The following FLT4 variants were observed in gnomAD, a reference collection of about 807,000 sequenced individuals.
The protein encoded by FLT4 is fms related receptor tyrosine kinase 4.
A neutral mutation model predicts 163.2 loss-of-function variants in FLT4; 30 were observed. That is an observed-to-expected ratio of 0.18 (90% CI 0.14 to 0.25). The LOEUF is 0.25. FLT4 is among the 10% of genes least tolerant of loss of function. FLT4 has a pLI of 1.00. For synonymous variants in FLT4, 884 were observed against 789.5 expected (o/e 1.12, Z -2.01); for missense variants, 1,510 against 1,863.8 (o/e 0.81, Z 3.50).
chr5:180,620,834 G>A lies in FLT4; in HGVS notation c.2299+42C>T, dbSNP rs561291886. 7 of 1,609,594 alleles carry A rather than the reference G, an allele frequency of 4.3e-6. No homozygotes were observed. Among genetic ancestry groups the A allele is most frequent in the Non-Finnish European group, 5.9e-6 (7 of 1,178,754 alleles). On this transcript the variant is annotated intron_variant, in intron 15 of 29. Coordinates refer to ENST00000261937, the MANE Select transcript of FLT4 (RefSeq NM_182925.5). This position sits in a 1 kb window ranked among gnomAD's most constrained non-coding sequence, Gnocchi z 4.4. Reference sequence around the variant, plus strand: ...AGGTGGCCACAAGAAAGCGTTAACTGGGGACGGGAAGGGAGTTGAGGGGTG... The same window carrying A: ...AGGTGGCCACAAGAAAGCGTTAACTAGGGACGGGAAGGGAGTTGAGGGGTG...
chr5:180,605,740 A>T (rs1156623035), intron 29 of FLT4, among the ~76,000 whole-genome samples: 1 of 152,180 alleles, frequency 6.6e-6, no homozygotes, highest in Non-Finnish European at 1.5e-5. Flanking sequence ...CTAGTCTCTT[A>T]CCCAGAAGAG....
intron 1 of FLT4, among the ~76,000 whole-genome samples, chr5:180,641,233 G>C (rs1262565932): frequency 6.6e-6 from 1 of 152,202 alleles, no homozygotes; most frequent in South Asian, 2.1e-4. Context: ...GCACGTGGAG[G>C]GTCCGAGTCA....
At chr5:180,622,701 A>C (rs1763251321) in intron 12 of FLT4, 30 bp downstream of exon 12, 1 of 1,426,540 alleles carries the variant, frequency 7.0e-7, no homozygotes, top group Non-Finnish European at 9.9e-7. Context: ...CCCTGTACCC[A>C]GGCCTCCCCG....
In FLT4 at chr5:180,603,214, A is replaced by G. The variant is rs769432789; in HGVS notation, c.4070T>C (p.Phe1357Ser). Residue 1357 changes from phenylalanine to serine, a missense_variant, in exon 30 of 30, where the codon TTC becomes TCC. Coordinates refer to ENST00000261937, the MANE Select transcript of FLT4 (RefSeq NM_182925.5). The part of the protein sequence containing the change: ...DHCSPSARVT[F>S]FTDNSY ...TGCTTAGTAGCTGTTGTCTGTGAAGAAAGTCACGCGGGCAGACGGGGAGCA... is the reference window on the plus strand; with the variant it reads ...TGCTTAGTAGCTGTTGTCTGTGAAGGAAGTCACGCGGGCAGACGGGGAGCA... The G allele has an allele frequency of 2.2e-5, 36 of 1,614,044 alleles. 1 individual carries two copies. In the South Asian group the frequency reaches 3.8e-4, roughly 17 times the overall value.
chr5:180,649,459 C>G, intron 1 of FLT4, 29 bp downstream of exon 1: 1 of 1,447,560 alleles, frequency 6.9e-7, no homozygotes. Context: ...GCCCCACGCT[C>G]GGGCGGGTGG....
At position 180,620,261 on chromosome 5, in the gene FLT4, G is replaced by A. The variant is rs1278056526; in HGVS notation, c.2454C>T (p.Asp818=). 9.9e-6 allele frequency: 16 copies of A among 1,612,034 alleles called. No homozygotes were observed. In the Admixed American group the frequency reaches 1.7e-4, roughly 17 times the overall value. ...GCTCCTCCAGAGGCACCTCCCCGGG[G>A]TCCATGATGATGGACAGGTAGCCCG... The part of the protein sequence containing the change: ...IKTGYLSIIM[D]PGEVPLEEQC... The change falls in exon 17 of 30, where the codon GAC becomes GAT. Residue 818 remains aspartate, a synonymous_variant. Transcript: ENST00000261937. This position sits in a 1 kb window ranked among gnomAD's most constrained non-coding sequence, Gnocchi z 4.4.
In FLT4 at chr5:180,636,370, C is replaced by T. The variant is rs573313595; in HGVS notation, c.59-4592G>A. ...TTCTGGCCACGGCACTGGCCCTGGGCGGTTACTGCCCTCCACCCCACATGC... is the reference window on the plus strand; with the variant it reads ...TTCTGGCCACGGCACTGGCCCTGGGTGGTTACTGCCCTCCACCCCACATGC... On this transcript the variant is annotated intron_variant, in intron 1 of 29. Coordinates refer to ENST00000261937, the MANE Select transcript of FLT4 (RefSeq NM_182925.5). The surrounding 1 kb of genome is among the most constrained non-coding windows in gnomAD (Gnocchi z 4.3). Among the ~76,000 whole-genome samples, 11 of 152,156 alleles carry T rather than the reference C, an allele frequency of 7.2e-5. No homozygotes were observed. Among genetic ancestry groups the T allele is most frequent in the Non-Finnish European group, 1.5e-4 (10 of 68,018 alleles).
At chr5:180,611,702 A>G in intron 26 of FLT4, 1 of 603,902 alleles carries the variant, frequency 1.7e-6, no homozygotes, top group South Asian at 2.0e-5. Context: ...CTAACAGACC[A>G]TGCGGGCACG....
At chr5:180,625,824 G>A (rs1351300543) in intron 10 of FLT4, 45 bp downstream of exon 10, 1 of 1,584,320 alleles carries the variant, frequency 6.3e-7, no homozygotes, top group South Asian at 1.1e-5. Context: ...GCTGAGGCTG[G>A]GGGCTGTGGC....
rs1173345416 is a variant in FLT4 at position 180,603,201 on chromosome 5, G to A, written c.4083C>T (p.Asn1361=). ...TCTTGTCCGATGCTGCTTAGTAGCT[G>A]TTGTCTGTGAAGAAAGTCACGCGGG... ...PSARVTFFTD[N]SY The change falls in exon 30 of 30, where the codon AAC becomes AAT. Residue 1361 remains asparagine, a synonymous_variant. Transcript: ENST00000261937. The A allele has an allele frequency of 6.2e-7, 1 of 1,613,928 alleles. No individual in the cohort carries two copies. Among genetic ancestry groups the A allele is most frequent in the Non-Finnish European group, 8.5e-7 (1 of 1,180,018 alleles).
chr5:180,603,513 T>G, intron 29 of FLT4, 123 bp from the exon 30 acceptor site: 2 of 869,338 alleles, frequency 2.3e-6, no homozygotes, highest in Non-Finnish European at 3.8e-6. Context: ...GGAGTTAGAG[T>G]CCAGCCCAGG....
intron 1 of FLT4, among the ~76,000 whole-genome samples, chr5:180,645,135 G>A (rs376987517): frequency 1.3e-5 from 2 of 152,200 alleles, no homozygotes; most frequent in Non-Finnish European, 2.9e-5. Flanking sequence ...GGGTGAGTTG[G>A]GGGGGGCCCT....
intron 8 of FLT4, among the ~76,000 whole-genome samples, chr5:180,628,482 G>A (rs1581671788): frequency 6.6e-6 from 1 of 152,204 alleles, no homozygotes; most frequent in African/African-American, 2.4e-5. Context: ...CCAAATTTCT[G>A]GACAGAAGGG....
At position 180,620,811 on chromosome 5, in the gene FLT4, G is replaced by A. The variant is rs1340191453; in HGVS notation, c.2299+65C>T. 5 of 1,607,870 alleles carry A rather than the reference G, an allele frequency of 3.1e-6. No homozygotes were observed. The highest frequency in any genetic ancestry group is 1.9e-4 in the Middle Eastern group (1 of 5,402). ...TTCTGGTGGCCACGACTTGCCCAAG[G>A]TGGCCACAAGAAAGCGTTAACTGGG... On this transcript the variant is annotated intron_variant, in intron 15 of 29. Coordinates refer to ENST00000261937, the MANE Select transcript of FLT4 (RefSeq NM_182925.5). The surrounding 1 kb of genome is among the most constrained non-coding windows in gnomAD (Gnocchi z 4.4).
chr5:180,608,178 A>G, intron 29 of FLT4: 1 of 700,088 alleles, frequency 1.4e-6, no homozygotes, highest in Non-Finnish European at 2.6e-6. Flanking sequence ...TTTGTAGTAG[A>G]TAGCAGTAGA....
chr5:180,625,790 G>C (rs111384975), intron 10 of FLT4, 79 bp downstream of exon 10: 2 of 1,338,644 alleles, frequency 1.5e-6, no homozygotes, highest in African/African-American at 1.4e-5. Context: ...GCAGTGAGGG[G>C]TGCTGTAAAG....
chr5:180,604,000 G>A (rs1392024314), intron 29 of FLT4, among the ~76,000 whole-genome samples: 3 of 152,194 alleles, frequency 2.0e-5, no homozygotes, highest in African/African-American at 7.2e-5. Flanking sequence ...GTGAGACCCT[G>A]TCTCAAAAAC....
At chr5:180,645,457 C>A (rs1765445252) in intron 1 of FLT4, among the ~76,000 whole-genome samples, 3 of 152,218 alleles carry the variant, frequency 2.0e-5, no homozygotes, top group African/African-American at 7.2e-5. Flanking sequence ...AGGTGGCCCC[C>A]CAGTGCTGCT....
chr5:180,620,449 A>G lies in FLT4; in HGVS notation c.2407-141T>C, dbSNP rs576142860. On this transcript the variant is annotated intron_variant, in intron 16 of 29. Coordinates refer to ENST00000261937, the MANE Select transcript of FLT4 (RefSeq NM_182925.5). The surrounding 1 kb of genome is among the most constrained non-coding windows in gnomAD (Gnocchi z 4.4). ...GAGGGGACAGAAAAAAAGACAGACA[A>G]CCTCTGCGGGGTTGGAGCCCAGCGT... is the stretch of plus-strand genomic sequence containing the variant. 6.3e-6 allele frequency: 8 copies of G among 1,274,836 alleles called. No homozygotes were observed. The Admixed American group carries it at 7.1e-5, about 11-fold the overall frequency. 79.0% of individuals were successfully genotyped at this position (1,274,836 alleles called of 1,614,324 possible). A position where few individuals can be genotyped will look rare whatever the true frequency, so the allele number is the denominator to read the frequency against.
Sources: allele counts gnomAD v4.1 joint callset (sites outside exome capture counted in the v4.1 genomes callset), GRCh38; gene constraint gnomAD v4.1.1; non-coding constraint Gnocchi (gnomAD v3.1); transcripts MANE v1.5; gene names NCBI Gene and HGNC (gene_info 2026-07-23, HGNC 2026-07-21).